The following GRIN2A variants were observed in gnomAD, a reference collection of about 807,000 sequenced individuals.
GRIN2A encodes the protein glutamate receptor ionotropic, NMDA 2A.
GRIN2A carries 22 observed loss-of-function variants against 113.4 expected under a neutral mutation model. That is an observed-to-expected ratio of 0.19 (90% CI 0.14 to 0.28). The LOEUF (loss-of-function observed/expected upper bound fraction) is 0.28. GRIN2A is among the 10% of genes least tolerant of loss of function. The probability of loss-of-function intolerance (pLI) is 1.00; values close to 1 mark genes in which losing one functional copy is unlikely to be tolerated. For missense variants in GRIN2A, 1,502 were observed against 1,887.0 expected (o/e 0.80, Z 3.78); for synonymous variants, 827 against 738.4 (o/e 1.12, Z -1.94).
intron 10 of GRIN2A, among the ~76,000 whole-genome samples, chr16:9,803,949 T>C (rs544303000): frequency 6.6e-6 from 1 of 152,288 alleles, no homozygotes; most frequent in East Asian, 1.9e-4. Flanking sequence ...GAGGCAAGGA[T>C]GGGGCCAGAG....
intron 2 of GRIN2A, among the ~76,000 whole-genome samples, chr16:9,979,933 A>G (rs1251173434): frequency 6.6e-6 from 1 of 151,262 alleles, no homozygotes; most frequent in Non-Finnish European, 1.5e-5. Context: ...ATGAAACTAT[A>G]GACTCTGGTG....
chr16:9,957,282 G>T (rs917431191), intron 2 of GRIN2A, among the ~76,000 whole-genome samples: 1 of 152,102 alleles, frequency 6.6e-6, no homozygotes, highest in Non-Finnish European at 1.5e-5. Context: ...TTATTTAAGG[G>T]AGCTGCCCAT....
At chr16:9,835,209 G>C (rs1183113095) in intron 7 of GRIN2A, among the ~76,000 whole-genome samples, 1 of 152,094 alleles carries the variant, frequency 6.6e-6, no homozygotes, top group Non-Finnish European at 1.5e-5. Flanking sequence ...AGTCAATTGA[G>C]GATATTATCT....
intron 2 of GRIN2A, among the ~76,000 whole-genome samples, chr16:10,122,027 G>C (rs186040498): frequency 2.6e-5 from 4 of 152,318 alleles, no homozygotes; most frequent in Admixed American, 2.6e-4. Flanking sequence ...CTTCACGTCA[G>C]ATGAACTTCA....
chr16:10,097,752 TA>T, intron 2 of GRIN2A, among the ~76,000 whole-genome samples: 1 of 152,266 alleles, frequency 6.6e-6, no homozygotes. Flanking sequence ...GTAGGAGAAC[TA>T]AAGTGGATCC....
chr16:9,934,174 A>G (rs2044659260), intron 3 of GRIN2A, among the ~76,000 whole-genome samples: 1 of 152,202 alleles, frequency 6.6e-6, no homozygotes, highest in Non-Finnish European at 1.5e-5. Flanking sequence ...TATCGGGTTG[A>G]GTATTTTATC....
intron 2 of GRIN2A, among the ~76,000 whole-genome samples, chr16:10,022,108 T>C (rs2046736216): frequency 6.6e-6 from 1 of 151,788 alleles, no homozygotes; most frequent in South Asian, 2.1e-4. Context: ...CCCCTTCACC[T>C]GTGGAGGTTT....
intron 2 of GRIN2A, chr16:10,111,927 G>C: frequency 1.3e-6 from 1 of 776,520 alleles, no homozygotes; most frequent in Admixed American, 1.9e-5. Context: ...TGACGCCAAG[G>C]ATCAAGCTGA....
intron 9 of GRIN2A, among the ~76,000 whole-genome samples, chr16:9,823,220 A>G (rs992488118): frequency 2.0e-5 from 3 of 152,200 alleles, no homozygotes; most frequent in Non-Finnish European, 4.4e-5. Flanking sequence ...AGTCGAATCA[A>G]TAGAACTGGA....
intron 2 of GRIN2A, among the ~76,000 whole-genome samples, chr16:10,063,274 C>T (rs1266257798): frequency 6.6e-6 from 1 of 152,138 alleles, no homozygotes; most frequent in Non-Finnish European, 1.5e-5. Context: ...ATGCTCACTA[C>T]TTGGATGATG....
At chr16:10,147,455 C>CAAAAAAATAAA (rs2049465991) in intron 2 of GRIN2A, among the ~76,000 whole-genome samples, 1 of 72,942 alleles carries the variant, frequency 1.4e-5, no homozygotes, top group Non-Finnish European at 2.3e-5. Context: ...ACTAAAAATA[C>CAAAAAAATAAA]AAAAAAAAAA....
At chr16:10,013,385 A>G (rs2141874615) in intron 2 of GRIN2A, among the ~76,000 whole-genome samples, 1 of 152,272 alleles carries the variant, frequency 6.6e-6, no homozygotes, top group South Asian at 2.1e-4. Context: ...TGCCTTCCTA[A>G]TCATCATCCC....
chr16:9,759,150 A>G lies in GRIN2A; in HGVS notation c.*3999T>C, dbSNP rs1029933262. On this transcript the variant is annotated 3_prime_UTR_variant, in exon 13 of 13. Coordinates refer to ENST00000330684, the MANE Select transcript of GRIN2A (RefSeq NM_001134407.3). ...TATCCAGCTCCTCTGTAAGGTATTTAGAGTTCTCAAATTAGTGTTTATTTA... is the reference window on the plus strand; with the variant it reads ...TATCCAGCTCCTCTGTAAGGTATTTGGAGTTCTCAAATTAGTGTTTATTTA... 4.6e-6 allele frequency: 1 copy of G among 217,290 alleles called. No homozygotes were observed. Among genetic ancestry groups the G allele is most frequent in the Non-Finnish European group, 9.2e-6 (1 of 108,166 alleles). The allele number at this position is 217,290 out of a possible 1,614,324, so 13.5% of individuals were successfully genotyped here. A position where few individuals can be genotyped will look rare whatever the true frequency, so the allele number is the denominator to read the frequency against.
chr16:9,785,522 T>C (rs1902185697), intron 11 of GRIN2A, among the ~76,000 whole-genome samples: 1 of 151,946 alleles, frequency 6.6e-6, no homozygotes, highest in South Asian at 2.1e-4. Context: ...CACACCAACA[T>C]GGCACATGTA....
chr16:9,994,664 C>A (rs1232668541), intron 2 of GRIN2A, among the ~76,000 whole-genome samples: 6 of 152,142 alleles, frequency 3.9e-5, no homozygotes, highest in Non-Finnish European at 8.8e-5. Flanking sequence ...GGTTTGAATA[C>A]AAATGGAAAC....
At chr16:10,062,208 T>C (rs2142009426) in intron 2 of GRIN2A, among the ~76,000 whole-genome samples, 1 of 152,318 alleles carries the variant, frequency 6.6e-6, no homozygotes, top group Middle Eastern at 3.4e-3. Context: ...ATAAGCTTTC[T>C]CTGTAAAAGG....
At chr16:9,822,696 G>A (rs2042312598) in intron 9 of GRIN2A, among the ~76,000 whole-genome samples, 1 of 152,138 alleles carries the variant, frequency 6.6e-6, no homozygotes, top group African/African-American at 2.4e-5. Context: ...GCCCGGCTGG[G>A]TGCTCCATAG....
chr16:10,050,683 T>C (rs1302028756), intron 2 of GRIN2A, among the ~76,000 whole-genome samples: 1 of 151,982 alleles, frequency 6.6e-6, no homozygotes, highest in African/African-American at 2.4e-5. Flanking sequence ...AGAAATAAAG[T>C]ACACAATAAA....
intron 10 of GRIN2A, among the ~76,000 whole-genome samples, chr16:9,808,407 C>A (rs551392580): frequency 6.6e-6 from 1 of 152,134 alleles, no homozygotes; most frequent in Non-Finnish European, 1.5e-5. Flanking sequence ...GACGACATCA[C>A]GGAACTTGTC....
Sources: gnomAD v4.1 joint callset for allele counts (sites outside exome capture counted in the v4.1 genomes callset) on GRCh38, gnomAD v4.1.1 for gene constraint, MANE v1.5 for transcripts, NCBI Gene and HGNC (gene_info 2026-07-23, HGNC 2026-07-21) for gene names.